Variants in MTA3 observed in about 807,000 individuals in gnomAD.
The protein encoded by MTA3 is metastasis associated 1 family member 3, also known as metastasis-associated protein MTA3.
MTA3 carries 34 observed loss-of-function variants against 83.5 expected under a neutral mutation model. The observed-to-expected ratio is 0.41, with a 90% CI of 0.31 to 0.54. The LOEUF is 0.54. Ranked by LOEUF, MTA3 falls within the 20% of genes least tolerant of loss-of-function variation. MTA3 has a pLI of 0.33. For synonymous variants in MTA3, 303 were observed against 252.7 expected (o/e 1.20, Z -1.89); for missense variants, 761 against 726.4 (o/e 1.05, Z -0.55).
intron 2 of MTA3, among the ~76,000 whole-genome samples, chr2:42,551,532 G>T (rs1677110433): frequency 6.6e-6 from 1 of 151,972 alleles, no homozygotes; most frequent in South Asian, 2.1e-4. Context: ...TGCCCTTGAG[G>T]AGACTGCAGT....
At chr2:42,744,091 A>G (rs1669232646) in intron 16 of MTA3, among the ~76,000 whole-genome samples, 1 of 152,208 alleles carries the variant, frequency 6.6e-6, no homozygotes, top group Admixed American at 6.5e-5. Flanking sequence ...TTTCTAAAGG[A>G]CTATTATGCC....
chr2:42,666,534 C>G (rs1165265716), intron 8 of MTA3, among the ~76,000 whole-genome samples: 2 of 152,174 alleles, frequency 1.3e-5, no homozygotes, highest in Non-Finnish European at 2.9e-5. Flanking sequence ...ATGTTCAGGT[C>G]CCTTTCCCTG....
chr2:42,507,976 T>TA (rs1049352917), intron 2 of MTA3, among the ~76,000 whole-genome samples: 1 of 151,572 alleles, frequency 6.6e-6, no homozygotes, highest in South Asian at 2.1e-4. Flanking sequence ...GAAACCTAGT[T>TA]AAAAAAAATC....
Position 42,707,252 on chromosome 2 carries a change from T to TC in MTA3, c.1151-651_1151-650insC, listed in dbSNP as rs546919810. On this transcript the variant is annotated intron_variant, in intron 12 of 16. Transcript: ENST00000405094. ...GAAACGTGGATTTAGATTTTTTTTT[T>TC]TTTTCTTTTGAGATGGAGCCTCACT... Among the ~76,000 whole-genome samples, 14 of 152,158 alleles carry TC rather than the reference T, an allele frequency of 9.2e-5. No individual in the cohort carries two copies. The South Asian group carries it at 2.7e-3, about 29-fold the overall frequency.
intron 16 of MTA3, among the ~76,000 whole-genome samples, chr2:42,748,362 C>A (rs970336165): frequency 1.3e-5 from 2 of 152,092 alleles, no homozygotes; most frequent in African/African-American, 4.8e-5. Context: ...CTGTGCCCGG[C>A]CTATTTTCTA....
rs1242984671 is a variant in MTA3, at chr2:42,755,488, T to C, written c.*2089T>C. ...AAAAGCGCAGCTTGTTCGAGCCACG[T>C]GTGCCAAGCAGGCTTTTCCTTCCTC... On this transcript the variant is annotated 3_prime_UTR_variant, in exon 17 of 17. Coordinates refer to ENST00000405094, the MANE Select transcript of MTA3 (RefSeq NM_001330442.2). The C allele has an allele frequency of 9.1e-6, 9 of 985,360 alleles. No individual in the cohort carries two copies. The highest frequency in any genetic ancestry group is 1.1e-5 in the Non-Finnish European group (9 of 829,962). 61.0% of individuals were successfully genotyped at this position (985,360 alleles called of 1,614,324 possible).
chr2:42,549,676 TATATA>T (rs1236155634), intron 2 of MTA3, among the ~76,000 whole-genome samples: 3 of 127,912 alleles, frequency 2.3e-5, no homozygotes, highest in East Asian at 4.1e-4. Context: ...ACATATATAA[TATATA>T]ATATATTATA....
At chr2:42,667,019 A>G (rs1395966078) in intron 8 of MTA3, among the ~76,000 whole-genome samples, 2 of 152,198 alleles carry the variant, frequency 1.3e-5, no homozygotes, top group African/African-American at 4.8e-5. Flanking sequence ...GTACACACAC[A>G]GTCTGAACAC....
At chr2:42,723,726 A>G (rs904598856) in intron 16 of MTA3, among the ~76,000 whole-genome samples, 1 of 152,136 alleles carries the variant, frequency 6.6e-6, no homozygotes, top group Non-Finnish European at 1.5e-5. Flanking sequence ...GGACTTTGAA[A>G]CTGTCTTTAT....
rs760846197 is a variant in MTA3 at position 42,656,197 on chromosome 2, C to CAGG, written c.500_502dup. The CAGG allele has an allele frequency of 2.0e-4, 317 of 1,608,844 alleles. 1 individual carries two copies. Among genetic ancestry groups the CAGG allele is most frequent in the Non-Finnish European group, 2.5e-4 (290 of 1,175,818 alleles). ...AGACTCCATTTTATTTATTTTTGGACAGGAGAATCAGATGAGAGGGAACAA... is the reference window on the plus strand; with the variant it reads ...AGACTCCATTTTATTTATTTTTGGACAGGAGGAGAATCAGATGAGAGGGAACAA... On this transcript the variant is annotated splice_polypyrimidine_tract_variant and splice_region_variant and intron_variant, in intron 6 of 16. Transcript: ENST00000405094.
At chr2:42,558,644 C>G (rs931572206) in intron 2 of MTA3, among the ~76,000 whole-genome samples, 2 of 151,642 alleles carry the variant, frequency 1.3e-5, no homozygotes, top group African/African-American at 4.8e-5. Flanking sequence ...ACCTCCGCCT[C>G]CTGGGTTCAA....
At chr2:42,734,719 T>A (rs999747779) in intron 16 of MTA3, among the ~76,000 whole-genome samples, 1 of 152,178 alleles carries the variant, frequency 6.6e-6, no homozygotes, top group African/African-American at 2.4e-5. Flanking sequence ...ATCTGTTGTA[T>A]GTTTTTTGAT....
chr2:42,603,531 G>T (rs891508329), intron 3 of MTA3, among the ~76,000 whole-genome samples: 2 of 152,118 alleles, frequency 1.3e-5, no homozygotes, highest in East Asian at 3.8e-4. Flanking sequence ...ATTTCTGATG[G>T]GATCCTGATT....
intron 4 of MTA3, among the ~76,000 whole-genome samples, chr2:42,611,844 A>G (rs1343780305): frequency 6.6e-6 from 1 of 152,122 alleles, no homozygotes; most frequent in Non-Finnish European, 1.5e-5. Context: ...GAGATAGATA[A>G]ATAGATAGAT....
upstream of MTA3, among the ~76,000 whole-genome samples, chr2:42,565,823 G>A (rs1677886138): frequency 6.6e-6 from 1 of 152,042 alleles, no homozygotes; most frequent in Non-Finnish European, 1.5e-5. Flanking sequence ...GGCCAACATG[G>A]TGAAACCCTG....
intron 6 of MTA3, among the ~76,000 whole-genome samples, chr2:42,646,613 C>T (rs909969353): frequency 1.3e-5 from 2 of 152,144 alleles, no homozygotes; most frequent in African/African-American, 4.8e-5. Context: ...ATATAATATG[C>T]AAGAAAACTA....
chr2:42,509,130 C>T (rs1201152217), intron 2 of MTA3, among the ~76,000 whole-genome samples: 5 of 151,946 alleles, frequency 3.3e-5, no homozygotes, highest in Non-Finnish European at 7.4e-5. Context: ...GCAACCTCCA[C>T]CTCCCAGGTT....
intron 2 of MTA3, among the ~76,000 whole-genome samples, chr2:42,578,079 C>T (rs1406185752): frequency 2.6e-5 from 4 of 152,182 alleles, no homozygotes; most frequent in African/African-American, 7.2e-5. Context: ...ATCTAAAATA[C>T]GGCTGCTGGA....
intron 9 of MTA3, among the ~76,000 whole-genome samples, chr2:42,691,793 T>C (rs1313804154): frequency 1.3e-5 from 2 of 152,260 alleles, no homozygotes; most frequent in African/African-American, 4.8e-5. Flanking sequence ...GGATATACTA[T>C]TCTTGGGTAA....
Sources: allele counts gnomAD v4.1 joint callset (sites outside exome capture counted in the v4.1 genomes callset), GRCh38; gene constraint gnomAD v4.1.1; transcripts MANE v1.5; gene names NCBI Gene and HGNC (gene_info 2026-07-23, HGNC 2026-07-21).